The following PHACTR1 variants were observed in gnomAD, a reference collection of about 807,000 sequenced individuals.
PHACTR1 encodes the protein phosphatase and actin regulator 1.
In PHACTR1, 16 loss-of-function variants were observed where a neutral mutation model predicts 69.2. The ratio of observed to expected loss-of-function variants is 0.23; its 90% CI spans 0.16 to 0.35. PHACTR1 has a LOEUF of 0.35. Among genes scored for constraint, PHACTR1 ranks in the 10% least tolerant of loss-of-function variants. The pLI, the probability that PHACTR1 is intolerant of heterozygous loss-of-function variation, is 1.00. For synonymous variants in PHACTR1, 312 were observed against 284.5 expected, an observed-to-expected ratio of 1.10 and a Z score of -0.97; for missense variants, 510 against 734.7, an observed-to-expected ratio of 0.69 and a Z score of 3.54.
At chr6:13,184,094 T>C (rs1021208369) in intron 7 of PHACTR1, among the ~76,000 whole-genome samples, 5 of 152,244 alleles carry the variant, frequency 3.3e-5, no homozygotes, top group African/African-American at 1.2e-4. Context: ...CGTCAAAGTT[T>C]ACAGGAGCTG....
At chr6:13,021,603 C>CT (rs1800982083) in intron 4 of PHACTR1, among the ~76,000 whole-genome samples, 1 of 152,210 alleles carries the variant, frequency 6.6e-6, no homozygotes, top group Admixed American at 6.5e-5. Flanking sequence ...CTGCCAGACT[C>CT]TTTTCCAAAC....
chr6:13,097,177 G>A (rs558786927), intron 5 of PHACTR1, among the ~76,000 whole-genome samples: 2 of 152,204 alleles, frequency 1.3e-5, no homozygotes, highest in African/African-American at 4.8e-5. Context: ...TTCCCTTGAG[G>A]CTCTGGCATT....
chr6:12,976,179 G>A (rs1562081485), intron 4 of PHACTR1, among the ~76,000 whole-genome samples: 1 of 152,162 alleles, frequency 6.6e-6, no homozygotes, highest in Non-Finnish European at 1.5e-5. Flanking sequence ...TTTGTAGTTC[G>A]GAACAAGAGA....
intron 4 of PHACTR1, among the ~76,000 whole-genome samples, chr6:12,796,655 A>T (rs1773036610): frequency 6.6e-6 from 1 of 152,136 alleles, no homozygotes; most frequent in Non-Finnish European, 1.5e-5. Flanking sequence ...AAGGTGGGAG[A>T]TATGGTTTGC....
chr6:13,178,920 A>G (rs1049598203), intron 6 of PHACTR1, among the ~76,000 whole-genome samples: 2 of 152,156 alleles, frequency 1.3e-5, no homozygotes, highest in Non-Finnish European at 1.5e-5. Flanking sequence ...GAATTTTTTA[A>G]TGCTGGTAAA....
chr6:13,134,645 C>T (rs1049604162), intron 5 of PHACTR1, among the ~76,000 whole-genome samples: 1 of 151,980 alleles, frequency 6.6e-6, no homozygotes, highest in African/African-American at 2.4e-5. Flanking sequence ...CCCAGGGGCA[C>T]AAACACTGGG....
chr6:12,948,762 A>T (rs543894157), intron 4 of PHACTR1, among the ~76,000 whole-genome samples: 23 of 152,290 alleles, frequency 1.5e-4, no homozygotes, highest in Non-Finnish European at 2.5e-4. Context: ...CATCATCTAC[A>T]TTTCATTCAC....
intron 4 of PHACTR1, among the ~76,000 whole-genome samples, chr6:12,764,384 G>A (rs1185949223): frequency 6.6e-6 from 1 of 152,074 alleles, no homozygotes; most frequent in Admixed American, 6.5e-5. Flanking sequence ...GAACCCAATA[G>A]TCACAATGAA....
intron 6 of PHACTR1, among the ~76,000 whole-genome samples, chr6:13,180,960 T>C (rs1490366458): frequency 6.6e-6 from 1 of 151,936 alleles, no homozygotes; most frequent in Non-Finnish European, 1.5e-5. Context: ...TAACTTTTAC[T>C]ACCATTTTGG....
At chr6:13,088,765 GC>G (rs1396886996) in intron 5 of PHACTR1, among the ~76,000 whole-genome samples, 1 of 152,084 alleles carries the variant, frequency 6.6e-6, no homozygotes, top group Non-Finnish European at 1.5e-5. Context: ...ACCTTGAAGA[GC>G]CCTTCTAAGG....
intron 4 of PHACTR1, among the ~76,000 whole-genome samples, chr6:12,890,316 G>A (rs1286184996): frequency 2.0e-5 from 3 of 152,064 alleles, no homozygotes; most frequent in South Asian, 4.1e-4. Context: ...GTTGGGGCTC[G>A]CTGTGCTAAC....
At chr6:12,840,566 C>T (rs1305172455) in intron 4 of PHACTR1, among the ~76,000 whole-genome samples, 2 of 152,180 alleles carry the variant, frequency 1.3e-5, no homozygotes, top group Non-Finnish European at 2.9e-5. Context: ...GACCCACTCT[C>T]TCATCCAGGA....
chr6:12,873,849 C>G (rs1203121185), intron 4 of PHACTR1, among the ~76,000 whole-genome samples: 1 of 152,228 alleles, frequency 6.6e-6, no homozygotes, highest in Non-Finnish European at 1.5e-5. Context: ...CCCTGCAGGC[C>G]AAATGCAGCC....
intron 4 of PHACTR1, among the ~76,000 whole-genome samples, chr6:12,773,944 A>G (rs1228773727): frequency 6.6e-6 from 1 of 152,182 alleles, no homozygotes; most frequent in African/African-American, 2.4e-5. Flanking sequence ...CAGAAAGTAT[A>G]TTCTAAACTC....
intron 4 of PHACTR1, among the ~76,000 whole-genome samples, chr6:12,857,171 T>C (rs1243727627): frequency 6.6e-6 from 1 of 152,232 alleles, no homozygotes; most frequent in Admixed American, 6.5e-5. Flanking sequence ...GTCTTTATTT[T>C]TCCTATGAGG....
chr6:13,132,692 AC>A (rs2127971320), intron 5 of PHACTR1, among the ~76,000 whole-genome samples: 1 of 151,912 alleles, frequency 6.6e-6, no homozygotes, highest in African/African-American at 2.4e-5. Flanking sequence ...TGTCCAAAAA[AC>A]AATGTACATA....
chr6:13,261,772 G>T (rs1001276389), intron 10 of PHACTR1, among the ~76,000 whole-genome samples: 2 of 152,254 alleles, frequency 1.3e-5, no homozygotes, highest in African/African-American at 4.8e-5. Flanking sequence ...CAAGAGATTT[G>T]CAGACAGAGG....
chr6:13,142,310 G>A lies in PHACTR1; in HGVS notation c.416-17894G>A, dbSNP rs150359632. On this transcript the variant is annotated intron_variant, in intron 5 of 14. Transcript: ENST00000332995. ...GTACAGACAGGGTTTCACCAAGTTG[G>A]CCAGGCTGGTCTTGAACTCCTGACC... Among the ~76,000 whole-genome samples, 39 of 152,238 alleles carry A rather than the reference G, an allele frequency of 2.6e-4. No homozygotes were observed. In the East Asian group the frequency reaches 7.5e-3, roughly 29 times the overall value.
rs561238793 is a variant in PHACTR1, at chr6:13,017,738, TTATAA to T, written c.251-35622_251-35618del. Among the ~76,000 whole-genome samples, 1,324 of 152,106 alleles carry T rather than the reference TTATAA, an allele frequency of 8.7e-3. 18 individuals carry two copies. Among genetic ancestry groups the T allele is most frequent in the African/African-American group, 0.029 (1,222 of 41,538 alleles). ...TAATAGTGAAGAATAATTTTAGGAA[TTATAA>T]TATATTTAATAATTATGTATTAAGA... On this transcript the variant is annotated intron_variant, in intron 4 of 14. Transcript: ENST00000332995.
Sources: allele counts gnomAD v4.1 joint callset (sites outside exome capture counted in the v4.1 genomes callset), GRCh38; gene constraint gnomAD v4.1.1; transcripts MANE v1.5; gene names NCBI Gene and HGNC (gene_info 2026-07-23, HGNC 2026-07-21).